Variants in EYS observed in about 807,000 individuals in gnomAD.
EYS encodes EGF-like photoreceptor maintenance factor.
EYS carries 250 observed loss-of-function variants against 282.1 expected under a neutral mutation model. That is an observed-to-expected ratio of 0.89 (90% confidence interval 0.80 to 0.98). The LOEUF is 0.98. Ranked by LOEUF, EYS falls within the 50% of genes least tolerant of loss-of-function variation. The pLI is 0.00. For missense variants in EYS, 4,016 were observed against 3,709.0 expected, an observed-to-expected ratio of 1.08 and a Z score of -2.15; for synonymous variants, 1,355 against 1,282.9, an observed-to-expected ratio of 1.06 and a Z score of -1.20.
At chr6:64,897,483 C>A (rs1467966502) in intron 18 of EYS, among the ~76,000 whole-genome samples, 1 of 152,126 alleles carries the variant, frequency 6.6e-6, no homozygotes, top group South Asian at 2.1e-4. Flanking sequence ...TAGACAAATC[C>A]ACAAAGATGA....
At position 64,637,691 on chromosome 6, in the gene EYS, A is replaced by G; in HGVS notation, c.3444-11446T>C. Among the ~76,000 whole-genome samples, 2 of 90,176 alleles carry G rather than the reference A, an allele frequency of 2.2e-5. 1 individual carries two copies. The highest frequency in any genetic ancestry group is 4.8e-5 in the Non-Finnish European group (2 of 42,026). 59.2% of individuals were successfully genotyped at this position (90,176 alleles called of 152,430 possible). On this transcript the variant is annotated intron_variant, in intron 22 of 42. Coordinates refer to ENST00000503581, the MANE Select transcript of EYS (RefSeq NM_001142800.2). ...TCTATCACCACGTCTACATTACTCT[A>G]CAGTGATCAGAAATCTCTTCTCAAG...
chr6:65,164,188 A>G (rs960784965), intron 12 of EYS, among the ~76,000 whole-genome samples: 1 of 151,422 alleles, frequency 6.6e-6, no homozygotes, highest in Non-Finnish European at 1.5e-5. Flanking sequence ...CAAGACTACA[A>G]TCATTTAAAT....
chr6:64,948,927 T>C (rs1769389515), intron 14 of EYS, among the ~76,000 whole-genome samples: 1 of 151,628 alleles, frequency 6.6e-6, no homozygotes, highest in African/African-American at 2.4e-5. Flanking sequence ...GAGAAAAAAA[T>C]AAAGACAAAG....
At chr6:63,969,766 G>A (rs2149782349) in intron 35 of EYS, among the ~76,000 whole-genome samples, 1 of 152,238 alleles carries the variant, frequency 6.6e-6, no homozygotes, top group South Asian at 2.1e-4. Flanking sequence ...TAATATATGG[G>A]GCCCAGTTCA....
intron 22 of EYS, among the ~76,000 whole-genome samples, chr6:64,656,799 G>A (rs1010324782): frequency 6.6e-6 from 1 of 152,296 alleles, no homozygotes; most frequent in Non-Finnish European, 1.5e-5. Flanking sequence ...TTGCATGAAA[G>A]TAGTTTCTGA....
intron 28 of EYS, among the ~76,000 whole-genome samples, chr6:64,415,143 G>T (rs529688340): frequency 2.6e-4 from 40 of 152,162 alleles, no homozygotes; most frequent in East Asian, 2.1e-3. Context: ...AAAAATTCTG[G>T]GTGTTGCCAA....
chr6:64,549,373 G>C (rs1044254681), intron 26 of EYS, among the ~76,000 whole-genome samples: 1 of 152,168 alleles, frequency 6.6e-6, no homozygotes, highest in Non-Finnish European at 1.5e-5. Flanking sequence ...TCCATGTCAT[G>C]ATTCTCAATT....
intron 19 of EYS, among the ~76,000 whole-genome samples, chr6:64,876,641 G>T (rs1339213562): frequency 6.6e-6 from 1 of 152,060 alleles, no homozygotes; most frequent in Admixed American, 6.6e-5. Context: ...TAATTGCTAG[G>T]AAGGGAATAA....
At chr6:64,287,492 A>T (rs1326874477) in intron 30 of EYS, among the ~76,000 whole-genome samples, 1 of 152,186 alleles carries the variant, frequency 6.6e-6, no homozygotes, top group Non-Finnish European at 1.5e-5. Flanking sequence ...AATGAAATCA[A>T]TTCATATCTC....
At chr6:64,713,672 T>C (rs1309025762) in intron 22 of EYS, among the ~76,000 whole-genome samples, 3 of 152,154 alleles carry the variant, frequency 2.0e-5, no homozygotes, top group Non-Finnish European at 4.4e-5. Flanking sequence ...AGACTTGTTC[T>C]TGGTTTCAGG....
intron 14 of EYS, among the ~76,000 whole-genome samples, chr6:64,954,647 C>T (rs1769629157): frequency 1.3e-5 from 2 of 152,002 alleles, no homozygotes; most frequent in African/African-American, 4.8e-5. Flanking sequence ...AAGTTTTGAA[C>T]CACAAGTACA....
chr6:64,073,155 A>G (rs1771649994), intron 32 of EYS, among the ~76,000 whole-genome samples: 1 of 151,908 alleles, frequency 6.6e-6, no homozygotes, highest in Non-Finnish European at 1.5e-5. Context: ...AATGAAGCTT[A>G]GTTCTCTTCA....
chr6:64,605,002 C>G (rs1342376819), intron 24 of EYS, among the ~76,000 whole-genome samples: 1 of 151,966 alleles, frequency 6.6e-6, no homozygotes, highest in Admixed American at 6.6e-5. Context: ...AAAGTCTGAC[C>G]AGGTGATTCC....
chr6:63,744,144 G>C (rs532372322), intron 41 of EYS: 1 of 152,110 alleles, frequency 6.6e-6, no homozygotes, highest in Non-Finnish European at 1.5e-5. Flanking sequence ...TTATTATAAT[G>C]TATTTTTTTC....
At chr6:63,744,141 A>G (rs901983618) in intron 41 of EYS, 2 of 152,100 alleles carry the variant, frequency 1.3e-5, no homozygotes, top group African/African-American at 4.8e-5. Flanking sequence ...TTTTTATTAT[A>G]ATGTATTTTT....
At position 64,654,150 on chromosome 6, in the gene EYS, G is replaced by A. The variant is rs534228753; in HGVS notation, c.3444-27905C>T. On this transcript the variant is annotated intron_variant, in intron 22 of 42. Coordinates refer to ENST00000503581, the MANE Select transcript of EYS (RefSeq NM_001142800.2). ...TGAAATATTAGAAACAGACATTATT[G>A]GAAACAGCAGTTTTCTGTTTCTACT... Among the ~76,000 whole-genome samples the A allele has an allele frequency of 2.1e-3, 326 of 151,950 alleles. 3 individuals carry two copies. Among genetic ancestry groups the A allele is most frequent in the African/African-American group, 7.3e-3 (301 of 41,448 alleles).
chr6:64,124,548 T>C (rs796530393), intron 31 of EYS, among the ~76,000 whole-genome samples: 6 of 152,344 alleles, frequency 3.9e-5, no homozygotes, highest in African/African-American at 1.4e-4. Context: ...TTGGAGTTAC[T>C]GCAGTTCAGT....
At chr6:65,023,158 A>G (rs2150139573) in intron 13 of EYS, among the ~76,000 whole-genome samples, 1 of 152,306 alleles carries the variant, frequency 6.6e-6, no homozygotes, top group South Asian at 2.1e-4. Flanking sequence ...TTTATGAATT[A>G]TATCTCAACT....
intron 2 of EYS, among the ~76,000 whole-genome samples, chr6:65,617,143 CA>C (rs575774079): frequency 5.6e-4 from 85 of 152,130 alleles, no homozygotes; most frequent in African/African-American, 1.8e-3. Context: ...TGCAGATATT[CA>C]TTAAACATCA....
Sources: allele counts gnomAD v4.1 joint callset (sites outside exome capture counted in the v4.1 genomes callset), GRCh38; gene constraint gnomAD v4.1.1; transcripts MANE v1.5; gene names NCBI Gene and HGNC (gene_info 2026-07-23, HGNC 2026-07-21).